The following HDAC5 variants were observed in gnomAD, a reference collection of about 807,000 sequenced individuals.
The protein encoded by HDAC5 is histone deacetylase 5, also known as antigen NY-CO-9.
HDAC5 carries 25 observed loss-of-function variants against 133.3 expected under a neutral mutation model. The ratio of observed to expected loss-of-function variants is 0.19; its 90% confidence interval spans 0.14 to 0.26. The LOEUF (loss-of-function observed/expected upper bound fraction) is 0.26, where lower values mean the gene tolerates loss of function less well. Ranked by LOEUF, HDAC5 falls within the 10% of genes least tolerant of loss-of-function variation. The pLI is 1.00. For missense variants in HDAC5, 1,041 were observed against 1,460.5 expected (o/e 0.71, Z 4.68); for synonymous variants, 589 against 610.8 (o/e 0.96, Z 0.53).
At position 44,076,948 on chromosome 17, in the gene HDAC5, G is replaced by A. The variant is rs2144167199; in HGVS notation, c.*1428C>T. On this transcript the variant is annotated 3_prime_UTR_variant, in exon 27 of 27. Transcript: ENST00000682912. ...CAGAGAGGCCTAGTACACTGAGCCTGGCCCCATCCCCATCCCCCAGGAGGA... is the reference window on the plus strand; with the variant it reads ...CAGAGAGGCCTAGTACACTGAGCCTAGCCCCATCCCCATCCCCCAGGAGGA... The A allele has an allele frequency of 6.5e-6, 1 of 153,630 alleles. No homozygotes were observed. Among genetic ancestry groups the A allele is most frequent in the Non-Finnish European group, 1.5e-5 (1 of 68,768 alleles). 9.5% of individuals were successfully genotyped at this position (153,630 alleles called of 1,614,324 possible).
intron 14 of HDAC5, among the ~76,000 whole-genome samples, chr17:44,086,030 C>T (rs572740242): frequency 3.5e-3 from 535 of 152,276 alleles, no homozygotes; most frequent in Non-Finnish European, 6.2e-3. Context: ...GCTCCTCAAG[C>T]CCCAGCAAGG....
chr17:44,079,065 G>C (rs2144188750), intron 24 of HDAC5, 79 bp downstream of exon 24: 1 of 1,566,402 alleles, frequency 6.4e-7, no homozygotes, highest in Non-Finnish European at 8.7e-7. Flanking sequence ...CTTCCTAAGG[G>C]GCTCCCAGTG....
intron 3 of HDAC5, among the ~76,000 whole-genome samples, chr17:44,109,103 G>A (rs2052176204): frequency 6.6e-6 from 1 of 152,236 alleles, no homozygotes; most frequent in African/African-American, 2.4e-5. Context: ...TGAACAAGCT[G>A]AGGAGGAAAC....
chr17:44,084,774 A>G, intron 15 of HDAC5, 99 bp from the exon 16 acceptor site: 1 of 1,454,000 alleles, frequency 6.9e-7, no homozygotes, highest in Non-Finnish European at 9.4e-7. Flanking sequence ...TCCTGGCCTC[A>G]GGAGATCCAA....
At position 44,093,697 on chromosome 17, in the gene HDAC5, G is replaced by T. The variant is rs758863292; in HGVS notation, c.232C>A (p.Gln78Lys). 1.2e-6 allele frequency: 2 copies of T among 1,606,910 alleles called. No individual in the cohort carries two copies. The highest frequency in any genetic ancestry group is 1.7e-6 in the Non-Finnish European group (2 of 1,177,050). ...DPTLREQQLQ[Q>K]ELLALKQQQQ... ...TGCTGCTTGAGCGCCAGGAGCTCCT[G>T]CTGCAGTTGCTGCTCCCGCAGTGTG... Residue 78 changes from glutamine (Q) to lysine (K), a missense_variant, in exon 4 of 27, where the codon CAG (glutamine) becomes AAG (lysine). Gln to Lys is a moderately conservative substitution (Grantham distance 53). Around this residue, in one of 9 missense-constraint regions of HDAC5, gnomAD observed 109 missense variants for 168.0 expected, o/e 0.65. Transcript: ENST00000682912.
In HDAC5 at chr17:44,117,389, T is replaced by C. The variant is rs1158093002; in HGVS notation, c.22+105A>G. On this transcript the variant is annotated intron_variant, in intron 2 of 26. Transcript: ENST00000682912. The surrounding 1 kb of genome is among the most constrained non-coding windows in gnomAD (Gnocchi z 4.2). ...TCCACTCCTTACCCCCTCATTCCCT[T>C]ATAGCTCAGACAGTAAAGGTCAGCT... 1 of 1,258,738 alleles carries C rather than the reference T, an allele frequency of 7.9e-7. No individual in the cohort carries two copies. Among genetic ancestry groups the C allele is most frequent in the Non-Finnish European group, 1.2e-6 (1 of 855,966 alleles). The allele number at this position is 1,258,738 out of a possible 1,614,324, so 78.0% of individuals were successfully genotyped here.
At chr17:44,084,436 C>T (rs2050550591) in intron 16 of HDAC5, 119 bp downstream of exon 16, 3 of 1,224,536 alleles carry the variant, frequency 2.4e-6, no homozygotes, top group African/African-American at 1.5e-5. Flanking sequence ...ACCTCTGCCG[C>T]AGCAATGCCC....
chr17:44,082,342 G>A lies in HDAC5; in HGVS notation c.2607+243C>T, dbSNP rs574295651. ...CCCCTTCGTTGCTTGAAACTGCAAC[G>A]TGAGGGCCAAGATGGAACAGGAGCT... On this transcript the variant is annotated intron_variant, in intron 20 of 26. Transcript: ENST00000682912. The A allele has an allele frequency of 1.8e-4, 99 of 549,674 alleles. 1 individual carries two copies. The highest frequency in any genetic ancestry group is 1.7e-3 in the African/African-American group (88 of 53,148). 34.0% of individuals were successfully genotyped at this position (549,674 alleles called of 1,614,324 possible).
chr17:44,118,236 C>T (rs1399514712), intron 1 of HDAC5, among the ~76,000 whole-genome samples: 3 of 152,244 alleles, frequency 2.0e-5, no homozygotes, highest in Non-Finnish European at 4.4e-5. Flanking sequence ...TGGTCTCCCA[C>T]AGTTCAACAA....
chr17:44,081,002 G>A, intron 20 of HDAC5, 120 bp from the exon 21 acceptor site: 1 of 1,360,962 alleles, frequency 7.3e-7, no homozygotes. Context: ...GGGAGGCTGA[G>A]GGCTGGGAGG....
At position 44,084,537 on chromosome 17, in the gene HDAC5, A is replaced by G; in HGVS notation, c.2305+18T>C. On this transcript the variant is annotated intron_variant, in intron 16 of 26. Transcript: ENST00000682912. ...TGACACTGAACATGCCTGCCCGCCC[A>G]CCCATGTGCCAGCTCACCGAGCAAC... 1 of 1,613,120 alleles carries G rather than the reference A, an allele frequency of 6.2e-7. No individual in the cohort carries two copies.
chr17:44,080,121 G>C lies in HDAC5; in HGVS notation c.2930C>G (p.Ser977Cys), dbSNP rs770270494. 6 of 1,610,790 alleles carry C rather than the reference G, an allele frequency of 3.7e-6. No individual in the cohort carries two copies. The highest frequency in any genetic ancestry group is 1.7e-5 in the Admixed American group (1 of 59,994). ...AGCAGGCTTACATCTGGCGGTGACA[G>C]AGTAGCCACCCAGAGGAGACAGATG... ...EGHLSPLGGYSVTARCFGHLT... is the reference protein window; with the variant it reads ...EGHLSPLGGYCVTARCFGHLT... The change falls in exon 23 of 27, where the codon TCT becomes TGT. Residue 977 changes from serine to cysteine, a missense_variant. By Grantham distance (112) the Ser-to-Cys change is moderately radical. Coordinates refer to ENST00000682912, the MANE Select transcript of HDAC5 (RefSeq NM_005474.5).
Position 44,082,800 on chromosome 17 carries a change from C to A in HDAC5, c.2484G>T (p.Arg828=). Residue 828 remains arginine, a synonymous_variant, in exon 19 of 27, where the codon CGG becomes CGT. Transcript: ENST00000682912. ...GELKNGFAII[R]PPGHHAEEST... is the part of the protein sequence containing the mutation. Reference sequence around the variant, plus strand: ...ATTCCTCGGCGTGGTGTCCTGGGGGCCGGATGATGGCAAATCCATTCTGAA... The same window carrying A: ...ATTCCTCGGCGTGGTGTCCTGGGGGACGGATGATGGCAAATCCATTCTGAA... The A allele has an allele frequency of 6.4e-7, 1 of 1,557,060 alleles. No individual in the cohort carries two copies. Among genetic ancestry groups the A allele is most frequent in the South Asian group, 1.2e-5 (1 of 84,632 alleles).
intron 12 of HDAC5, 136 bp downstream of exon 12, chr17:44,088,251 G>C (rs1316816801): frequency 4.4e-6 from 6 of 1,357,362 alleles, no homozygotes; most frequent in Admixed American, 5.0e-5. Context: ...GACCTCAGGC[G>C]ATCTGCCCAC....
intron 1 of HDAC5, among the ~76,000 whole-genome samples, chr17:44,118,843 C>A (rs555554811): frequency 7.9e-5 from 12 of 152,190 alleles, no homozygotes; most frequent in African/African-American, 2.9e-4. Context: ...GCTCTGCCCC[C>A]CTAGACAGCC....
chr17:44,080,750 C>G lies in HDAC5; in HGVS notation c.2727+13G>C. 4 of 1,614,182 alleles carry G rather than the reference C, an allele frequency of 2.5e-6. No homozygotes were observed. The highest frequency in any genetic ancestry group is 1.7e-6 in the Non-Finnish European group (2 of 1,180,020). On this transcript the variant is annotated intron_variant, in intron 21 of 26. Transcript: ENST00000682912. ...GGGCCAGGAGGGTCTGCATTTACGC[C>G]CAGGAGCTGTACCTCTTCAGGAGCC...
intron 22 of HDAC5, 43 bp downstream of exon 22, chr17:44,080,358 A>G (rs1484941232): frequency 6.3e-7 from 1 of 1,590,620 alleles, no homozygotes; most frequent in Admixed American, 1.7e-5. Context: ...TGCAGGGCCC[A>G]GAGGGGCTCC....
In HDAC5 at chr17:44,093,371, T is replaced by G. The variant is rs760514859; in HGVS notation, c.469A>C (p.Lys157Gln). 1.3e-6 allele frequency: 2 copies of G among 1,583,650 alleles called. No individual in the cohort carries two copies. Among genetic ancestry groups the G allele is most frequent in the South Asian group, 2.2e-5 (2 of 89,140 alleles). ...AGCAGCTGCTGCTCCAGCCGCTGCT[T>G]CTCCAGCTCTTCCTGCCGCTGCTGC... ...REQQRQEELE[K>Q]QRLEQQLLIL... Residue 157 changes from lysine (K) to glutamine (Q), a missense_variant, in exon 5 of 27, where the codon AAG (lysine) becomes CAG (glutamine). This residue lies in a region of HDAC5 where 109 missense variants were observed against 168.0 expected (regional missense o/e 0.65). Transcript: ENST00000682912.
chr17:44,096,154 G>T (rs1213592200), intron 3 of HDAC5, among the ~76,000 whole-genome samples: 1 of 152,192 alleles, frequency 6.6e-6, no homozygotes, highest in African/African-American at 2.4e-5. Flanking sequence ...CTCCAGCCAG[G>T]AAGGGGAAGG....
Sources: gnomAD v4.1 joint callset for allele counts (sites outside exome capture counted in the v4.1 genomes callset) on GRCh38, gnomAD v4.1.1 for gene constraint, gnomAD v4.1.1 regional missense constraint, Gnocchi (gnomAD v3.1) non-coding constraint, MANE v1.5 for transcripts, NCBI Gene and HGNC (gene_info 2026-07-23, HGNC 2026-07-21) for gene names.